SPAG16: variants seen among roughly 807,000 people sequenced by gnomAD.
SPAG16 encodes sperm associated antigen 16.
SPAG16 carries 86 observed loss-of-function variants against 80.4 expected under a neutral mutation model. The observed-to-expected ratio is 1.07, with a 90% CI of 0.90 to 1.28. The LOEUF (loss-of-function observed/expected upper bound fraction) is 1.28. SPAG16 is among the 50% of genes most tolerant of loss of function. The probability of loss-of-function intolerance (pLI) is 0.00; values close to 1 mark genes in which losing one functional copy is unlikely to be tolerated. For missense variants in SPAG16, 870 were observed against 765.3 expected (o/e 1.14, Z -1.61); for synonymous variants, 294 against 265.9 (o/e 1.11, Z -1.03).
intron 11 of SPAG16, among the ~76,000 whole-genome samples, chr2:213,905,254 A>C (rs556885141): frequency 2.6e-5 from 4 of 152,212 alleles, no homozygotes; most frequent in Non-Finnish European, 5.9e-5. Flanking sequence ...CCAAAAAAAA[A>C]TTATGTGGTT....
intron 10 of SPAG16, among the ~76,000 whole-genome samples, chr2:213,678,921 A>G (rs996562700): frequency 6.6e-6 from 1 of 152,084 alleles, no homozygotes; most frequent in African/African-American, 2.4e-5. Flanking sequence ...TCCTTTACCT[A>G]TAACTTCCTC....
At chr2:213,869,059 C>G (rs1559537690) in intron 11 of SPAG16, among the ~76,000 whole-genome samples, 1 of 151,358 alleles carries the variant, frequency 6.6e-6, no homozygotes, top group Non-Finnish European at 1.5e-5. Flanking sequence ...CGAGACCAGC[C>G]TGACCAACAT....
Position 213,324,456 on chromosome 2 carries a change from A to G in SPAG16, c.536+7100A>G, listed in dbSNP as rs2063759497. Among the ~76,000 whole-genome samples, 5 of 152,268 alleles carry G rather than the reference A, an allele frequency of 3.3e-5. No homozygotes were observed. In the South Asian group the frequency reaches 1.0e-3, roughly 32 times the overall value. On this transcript the variant is annotated intron_variant, in intron 5 of 15. Transcript: ENST00000331683. ...TTCTCTGTCCCAGCAATCACTTTTA[A>G]GAATTTTTTCACTTTAGATTAGTTT...
intron 15 of SPAG16, among the ~76,000 whole-genome samples, chr2:214,315,728 C>T (rs1329389340): frequency 2.0e-5 from 3 of 151,958 alleles, no homozygotes; most frequent in Non-Finnish European, 4.4e-5. Context: ...GTTGGGGTCT[C>T]ACTATGTTGT....
intron 15 of SPAG16, among the ~76,000 whole-genome samples, chr2:214,356,283 T>C (rs555336713): frequency 3.9e-4 from 60 of 152,110 alleles, no homozygotes; most frequent in African/African-American, 1.4e-3. Flanking sequence ...AATAAACACA[T>C]TGCTTGTCCT....
chr2:214,257,700 G>C (rs1461883544), intron 15 of SPAG16, among the ~76,000 whole-genome samples: 2 of 152,072 alleles, frequency 1.3e-5, no homozygotes, highest in Non-Finnish European at 2.9e-5. Context: ...ACATTATCAT[G>C]ATGCATTGTT....
At chr2:213,895,438 TA>T in intron 11 of SPAG16, among the ~76,000 whole-genome samples, 1 of 152,142 alleles carries the variant, frequency 6.6e-6, no homozygotes, top group East Asian at 1.9e-4. Flanking sequence ...CCTATGGAAC[TA>T]AAAAAGGCCC....
chr2:213,937,554 A>C lies in SPAG16; in HGVS notation c.1400+7409A>C, dbSNP rs946821549. On this transcript the variant is annotated intron_variant, in intron 12 of 15. Coordinates refer to ENST00000331683, the MANE Select transcript of SPAG16 (RefSeq NM_024532.5). ...TTCAAATGAATTGTTTCCCCTTGACATATGGGCTTGAAATGATGTCTGAGT... is the reference window on the plus strand; with the variant it reads ...TTCAAATGAATTGTTTCCCCTTGACCTATGGGCTTGAAATGATGTCTGAGT... 2.0e-5 allele frequency among the ~76,000 whole-genome samples: 3 copies of C among 152,042 alleles called. No homozygotes were observed. The East Asian group carries it at 5.8e-4, about 29-fold the overall frequency.
chr2:214,192,636 T>TA (rs75681443), intron 15 of SPAG16, among the ~76,000 whole-genome samples: 133,041 of 151,978 alleles, frequency 0.88, 58,355 homozygotes, highest in African/African-American at 0.93. Flanking sequence ...TATTCCTTTA[T>TA]TTTTTTTGTA....
rs549023443 is a variant in SPAG16, at chr2:214,355,849, A to C, written c.1721-54291A>C. Among the ~76,000 whole-genome samples the C allele has an allele frequency of 5.4e-3, 823 of 151,742 alleles. 9 individuals carry two copies. The highest frequency in any genetic ancestry group is 0.019 in the African/African-American group (795 of 41,386). ...CATGGAATACTATGCAGCCATAAAAAATGATGAGTTCATGTCCTTTGTAGG... is the reference window on the plus strand; with the variant it reads ...CATGGAATACTATGCAGCCATAAAACATGATGAGTTCATGTCCTTTGTAGG... On this transcript the variant is annotated intron_variant, in intron 15 of 15. Transcript: ENST00000331683.
intron 11 of SPAG16, among the ~76,000 whole-genome samples, chr2:213,885,336 C>T (rs1345526861): frequency 2.0e-5 from 3 of 152,126 alleles, no homozygotes; most frequent in Non-Finnish European, 2.9e-5. Flanking sequence ...CTTTATATTT[C>T]CTAGTATTTG....
intron 13 of SPAG16, among the ~76,000 whole-genome samples, chr2:214,054,802 G>A (rs1418531392): frequency 6.6e-6 from 1 of 152,088 alleles, no homozygotes; most frequent in East Asian, 1.9e-4. Context: ...TTTAATGGTA[G>A]CAATGTTGCA....
intron 15 of SPAG16, among the ~76,000 whole-genome samples, chr2:214,392,133 A>G (rs1410052688): frequency 6.6e-6 from 1 of 152,104 alleles, no homozygotes; most frequent in Non-Finnish European, 1.5e-5. Context: ...CACACATTAA[A>G]AATGTCAGCT....
At chr2:214,251,709 C>A (rs1690304976) in intron 15 of SPAG16, among the ~76,000 whole-genome samples, 1 of 152,096 alleles carries the variant, frequency 6.6e-6, no homozygotes, top group African/African-American at 2.4e-5. Context: ...GAAACGTACT[C>A]CTATAAAGTG....
At chr2:213,654,538 T>C (rs1158111830) in intron 10 of SPAG16, among the ~76,000 whole-genome samples, 89 of 2,712 alleles carry the variant, frequency 0.033, no homozygotes, top group Middle Eastern at 0.5. Context: ...CTACTAAAAA[T>C]ACAAAAAAAA....
chr2:213,685,368 A>G (rs2064614457), intron 10 of SPAG16, among the ~76,000 whole-genome samples: 1 of 152,240 alleles, frequency 6.6e-6, no homozygotes, highest in East Asian at 1.9e-4. Context: ...CACAGAGAAT[A>G]AGGACATATT....
chr2:213,573,487 C>T (rs1559267863), intron 10 of SPAG16, among the ~76,000 whole-genome samples: 1 of 152,152 alleles, frequency 6.6e-6, no homozygotes, highest in East Asian at 1.9e-4. Context: ...CTGTTGTTTG[C>T]ATTCTACATA....
chr2:214,340,938 A>G (rs1381223073), intron 15 of SPAG16, among the ~76,000 whole-genome samples: 2 of 152,242 alleles, frequency 1.3e-5, no homozygotes, highest in Admixed American at 6.5e-5. Context: ...AGGTATAGAA[A>G]GGGAACTAAT....
intron 14 of SPAG16, among the ~76,000 whole-genome samples, chr2:214,127,614 T>A (rs1208409754): frequency 6.6e-6 from 1 of 151,908 alleles, no homozygotes; most frequent in Non-Finnish European, 1.5e-5. Flanking sequence ...AAAATGTAAA[T>A]TTACATGGCA....
Sources: allele counts gnomAD v4.1 joint callset (sites outside exome capture counted in the v4.1 genomes callset), GRCh38; gene constraint gnomAD v4.1.1; transcripts MANE v1.5; gene names NCBI Gene and HGNC (gene_info 2026-07-23, HGNC 2026-07-21).